PAAF1: variants seen among roughly 807,000 people sequenced by gnomAD.
PAAF1 encodes the protein proteasomal ATPase associated factor 1, also known as proteasomal ATPase-associated factor 1.
PAAF1 carries 46 observed loss-of-function variants against 52.8 expected under a neutral mutation model. The ratio of observed to expected loss-of-function variants is 0.87; its 90% CI spans 0.69 to 1.11. The LOEUF is 1.11. PAAF1 is among the 50% of genes most tolerant of loss of function. PAAF1 has a pLI of 0.00. For missense variants in PAAF1, 424 were observed against 477.4 expected (o/e 0.89, Z 1.04); for synonymous variants, 178 against 172.8 (o/e 1.03, Z -0.24).
upstream of PAAF1, chr11:73,876,824 G>T: frequency 4.2e-6 from 2 of 481,640 alleles, no homozygotes; most frequent in Non-Finnish European, 6.8e-6. Flanking sequence ...GCAGGCGGTT[G>T]GGGATCCTCT....
At chr11:73,889,456 C>T (rs1949145340) in intron 3 of PAAF1, among the ~76,000 whole-genome samples, 1 of 152,212 alleles carries the variant, frequency 6.6e-6, no homozygotes, top group Admixed American at 6.5e-5. Context: ...TCTGATCTCT[C>T]TTGCAGTTTT....
At chr11:73,918,887 G>A in intron 9 of PAAF1, 63 bp from the exon 10 acceptor site, 2 of 1,213,094 alleles carry the variant, frequency 1.6e-6, no homozygotes, top group Non-Finnish European at 2.4e-6. Flanking sequence ...ACTATATGTT[G>A]AATATAGTCA....
chr11:73,894,557 A>G (rs1321155111), intron 4 of PAAF1, among the ~76,000 whole-genome samples: 1 of 152,138 alleles, frequency 6.6e-6, no homozygotes. Context: ...GGTGCAGCAC[A>G]CCAGCATGGC....
At chr11:73,910,950 A>G (rs1348588709) in intron 7 of PAAF1, among the ~76,000 whole-genome samples, 1 of 147,280 alleles carries the variant, frequency 6.8e-6, no homozygotes, top group Non-Finnish European at 1.5e-5. Context: ...AGATCGCTCC[A>G]TTGCACTCCA....
At chr11:73,905,414 GGGTTTCACCATATTGGCAAGGCT>G (rs1382504523) in intron 6 of PAAF1, among the ~76,000 whole-genome samples, 1 of 152,026 alleles carries the variant, frequency 6.6e-6, no homozygotes, top group African/African-American at 2.4e-5. Flanking sequence ...AGAAGAAACT[GGGTTTCACCATATTGGCAAGGCT>G]GGTCTCAAAC....
chr11:73,882,350 GTTTTCT>G (rs1948936919), intron 2 of PAAF1, among the ~76,000 whole-genome samples: 1 of 148,684 alleles, frequency 6.7e-6, no homozygotes, highest in South Asian at 2.1e-4. Flanking sequence ...TGTAGATTCA[GTTTTCT>G]TTATGAATTG....
intron 6 of PAAF1, among the ~76,000 whole-genome samples, chr11:73,903,062 G>T (rs1287723287): frequency 6.6e-6 from 1 of 152,230 alleles, no homozygotes; most frequent in Non-Finnish European, 1.5e-5. Flanking sequence ...TTTTGGCCTT[G>T]TGAGAAAGTC....
intron 4 of PAAF1, 89 bp downstream of exon 4, chr11:73,891,290 A>T: frequency 5.5e-6 from 4 of 721,272 alleles, no homozygotes; most frequent in Non-Finnish European, 9.1e-6. Context: ...ACATATTCAT[A>T]ATTAATATGT....
intron 1 of PAAF1, among the ~76,000 whole-genome samples, chr11:73,878,495 ATAAT>A (rs1454847692): frequency 6.6e-6 from 1 of 152,248 alleles, no homozygotes; most frequent in Non-Finnish European, 1.5e-5. Context: ...ATCCTGATAA[ATAAT>A]TAAATAACCT....
intron 9 of PAAF1, among the ~76,000 whole-genome samples, chr11:73,917,442 G>A (rs761722548): frequency 6.6e-6 from 1 of 152,200 alleles, no homozygotes; most frequent in Non-Finnish European, 1.5e-5. Context: ...CAATCTCTCT[G>A]TTGCAGGATT....
chr11:73,885,530 G>A (rs1429201039), intron 2 of PAAF1, among the ~76,000 whole-genome samples: 2 of 151,538 alleles, frequency 1.3e-5, no homozygotes, highest in East Asian at 3.9e-4. Flanking sequence ...CTTTCTTTGA[G>A]GCTCCTATAC....
At chr11:73,889,429 C>T (rs1949144906) in intron 3 of PAAF1, among the ~76,000 whole-genome samples, 1 of 152,146 alleles carries the variant, frequency 6.6e-6, no homozygotes, top group African/African-American at 2.4e-5. Flanking sequence ...CACTTTTTCC[C>T]CTTGGATTTT....
intron 6 of PAAF1, among the ~76,000 whole-genome samples, chr11:73,901,392 T>G (rs1949608739): frequency 6.6e-6 from 1 of 152,234 alleles, no homozygotes; most frequent in Non-Finnish European, 1.5e-5. Flanking sequence ...GAGATAAGTA[T>G]GCTATTCCTA....
chr11:73,901,292 A>C (rs182495382), intron 6 of PAAF1, among the ~76,000 whole-genome samples: 2 of 152,358 alleles, frequency 1.3e-5, no homozygotes, highest in Non-Finnish European at 2.9e-5. Flanking sequence ...TTATAGATAT[A>C]CAGTGGGAAC....
chr11:73,895,430 T>A (rs1194734205), intron 4 of PAAF1, among the ~76,000 whole-genome samples: 1 of 152,230 alleles, frequency 6.6e-6, no homozygotes, highest in East Asian at 1.9e-4. Context: ...AGTATGTTGC[T>A]TACAAGTAAA....
intron 2 of PAAF1, among the ~76,000 whole-genome samples, chr11:73,882,339 T>G (rs909051327): frequency 1.2e-4 from 18 of 149,452 alleles, no homozygotes; most frequent in Non-Finnish European, 2.1e-4. Context: ...TGAAGGTAAC[T>G]TGTAGATTCA....
rs1369009862 is a variant in PAAF1, at chr11:73,877,038, G to A, written c.17G>A (p.Arg6Lys). The change falls in exon 1 of 12, where the codon AGG becomes AAG. Residue 6 changes from arginine to lysine, a missense_variant. Arg to Lys is a conservative substitution (Grantham distance 26, BLOSUM62 2). Coordinates refer to ENST00000310571, the MANE Select transcript of PAAF1 (RefSeq NM_025155.3). ...GGGGTCGAGATGGCGGCGCCTTTGA[G>A]GATTCAGAGCGACTGGGCGCAAGCC... The part of the protein sequence containing the change: MAAPL[R>K]IQSDWAQALR... The A allele has an allele frequency of 1.3e-5, 20 of 1,535,562 alleles. No homozygotes were observed. Among genetic ancestry groups the A allele is most frequent in the Non-Finnish European group, 1.5e-5 (17 of 1,138,594 alleles).
chr11:73,930,789 ATATT>A lies in PAAF1; in HGVS notation c.*3431_*3434del. 6.7e-6 allele frequency: 1 copy of A among 149,854 alleles called. No individual in the cohort carries two copies. The highest frequency in any genetic ancestry group is 2.1e-4 in the South Asian group (1 of 4,786). The allele number at this position is 149,854 out of a possible 1,614,324, so 9.3% of individuals were successfully genotyped here. A position where few individuals can be genotyped will look rare whatever the true frequency, so the allele number is the denominator to read the frequency against. On this transcript the variant is annotated 3_prime_UTR_variant, in exon 12 of 12. Coordinates refer to ENST00000310571, the MANE Select transcript of PAAF1 (RefSeq NM_025155.3). ...TATGTATATATATATGTATATATAT[ATATT>A]TATATATGTAGAAGCAGTGAGTAGA...
intron 6 of PAAF1, 26 bp downstream of exon 6, chr11:73,900,446 G>T: frequency 6.6e-7 from 1 of 1,524,704 alleles, no homozygotes; most frequent in Non-Finnish European, 8.9e-7. Flanking sequence ...TCTCCAAAAG[G>T]CTTCTCTAAT....
Sources: gnomAD v4.1 joint callset for allele counts (sites outside exome capture counted in the v4.1 genomes callset) on GRCh38, gnomAD v4.1.1 for gene constraint, MANE v1.5 for transcripts, NCBI Gene and HGNC (gene_info 2026-07-23, HGNC 2026-07-21) for gene names.